MND1: variants seen among roughly 807,000 people sequenced by gnomAD.
MND1 encodes the protein meiotic nuclear division protein 1 homolog.
In MND1, 28 loss-of-function variants were observed where a neutral mutation model predicts 35.1. The ratio of observed to expected loss-of-function variants is 0.80; its 90% CI spans 0.59 to 1.09. MND1 has a LOEUF of 1.09. MND1 is among the 50% of genes least tolerant of loss of function. The probability of loss-of-function intolerance (pLI) is 0.00; values close to 1 mark genes in which losing one functional copy is unlikely to be tolerated. For synonymous variants in MND1, 69 were observed against 70.5 expected (o/e 0.98, Z 0.11); for missense variants, 213 against 239.6 (o/e 0.89, Z 0.73).
intron 4 of MND1, among the ~76,000 whole-genome samples, chr4:153,377,392 T>C (rs1728540032): frequency 6.6e-6 from 1 of 152,124 alleles, no homozygotes; most frequent in Non-Finnish European, 1.5e-5. Flanking sequence ...TGTAGATAAC[T>C]TGAAATGTTT....
intron 4 of MND1, chr4:153,363,156 C>G (rs1270932389): frequency 4.3e-6 from 1 of 233,538 alleles, no homozygotes; most frequent in Non-Finnish European, 7.0e-6. Flanking sequence ...CTCCTAGCCC[C>G]TAGTTACTTT....
chr4:153,369,004 G>A (rs1474419632), intron 4 of MND1, among the ~76,000 whole-genome samples: 1 of 152,232 alleles, frequency 6.6e-6, no homozygotes, highest in East Asian at 1.9e-4. Flanking sequence ...AAGGCCTTAT[G>A]TGAGGTATAG....
rs375914595 is a variant in MND1 at position 153,414,849 on chromosome 4, A to G, written c.610A>G (p.Ile204Val). ...TGGAATTCCAGAAGACTTTGACTACATAGACTAAAATATTCCATGGTGGTG... is the reference window on the plus strand; with the variant it reads ...TGGAATTCCAGAAGACTTTGACTACGTAGACTAAAATATTCCATGGTGGTG... ...TFGIPEDFDY[I>V]D The change falls in exon 8 of 8, where the codon ATA (isoleucine) becomes GTA (valine). Residue 204 changes from isoleucine to valine, a missense_variant. Physicochemically the swap from Ile to Val is conservative, Grantham distance 29. Transcript: ENST00000240488. The G allele has an allele frequency of 4.4e-6, 6 of 1,365,302 alleles. No homozygotes were observed. The highest frequency in any genetic ancestry group is 2.1e-5 in the Admixed American group (1 of 47,150). The allele number at this position is 1,365,302 out of a possible 1,614,324, so 84.6% of individuals were successfully genotyped here. A position where few individuals can be genotyped will look rare whatever the true frequency, so the allele number is the denominator to read the frequency against.
intron 4 of MND1, among the ~76,000 whole-genome samples, chr4:153,372,394 A>G (rs28862341): frequency 1.3e-4 from 20 of 152,288 alleles, no homozygotes; most frequent in Non-Finnish European, 2.8e-4. Context: ...TTTAAAAAAA[A>G]CTTTTTATGT....
chr4:153,364,400 C>T (rs1383553633), intron 4 of MND1, among the ~76,000 whole-genome samples: 1 of 151,890 alleles, frequency 6.6e-6, no homozygotes, highest in Non-Finnish European at 1.5e-5. Context: ...TCCTGTGGTC[C>T]CGGCTATTCG....
At chr4:153,400,582 C>T (rs1229750710) in intron 6 of MND1, among the ~76,000 whole-genome samples, 1 of 152,084 alleles carries the variant, frequency 6.6e-6, no homozygotes, top group African/African-American at 2.4e-5. Context: ...TTTTCTTCCT[C>T]CAGTTTTATT....
At chr4:153,395,061 A>G (rs1729160910) in intron 5 of MND1, among the ~76,000 whole-genome samples, 1 of 152,212 alleles carries the variant, frequency 6.6e-6, no homozygotes. Flanking sequence ...ACATAGTAGA[A>G]AGGGATATAG....
chr4:153,354,624 TCC>T (rs1773296210), intron 2 of MND1, among the ~76,000 whole-genome samples: 1 of 152,110 alleles, frequency 6.6e-6, no homozygotes, highest in South Asian at 2.1e-4. Context: ...CATCTCAGCC[TCC>T]CATGTATCTA....
chr4:153,384,036 CTT>C (rs758060949), intron 4 of MND1, among the ~76,000 whole-genome samples: 22 of 152,232 alleles, frequency 1.4e-4, no homozygotes, highest in Admixed American at 2.6e-4. Context: ...TTTTGCATGT[CTT>C]TGACTCTCAA....
At chr4:153,354,415 A>G (rs1418014947) in intron 2 of MND1, among the ~76,000 whole-genome samples, 2 of 152,244 alleles carry the variant, frequency 1.3e-5, no homozygotes, top group African/African-American at 4.8e-5. Context: ...TGTTTTCTTA[A>G]AGTGTCAGAA....
At chr4:153,408,450 A>G (rs1006542804) in intron 6 of MND1, among the ~76,000 whole-genome samples, 1 of 152,000 alleles carries the variant, frequency 6.6e-6, no homozygotes, top group Non-Finnish European at 1.5e-5. Flanking sequence ...ATATACATAC[A>G]GATACATTTG....
intron 4 of MND1, chr4:153,381,679 T>TATAATATATATAATATA (rs1561068481): frequency 4.8e-5 from 1 of 20,742 alleles, no homozygotes; most frequent in Non-Finnish European, 1.0e-4. Flanking sequence ...TATATATATA[T>TATAATATATATAATATA]ATATATATAT....
chr4:153,384,676 C>T lies in MND1; in HGVS notation c.277-9586C>T, dbSNP rs1415229287. On this transcript the variant is annotated intron_variant, in intron 4 of 7. Transcript: ENST00000240488. ...TAGGCTCTGACTCTGCCTGACAGTTCGTTTTTTCACATTGTAATTGATTGT... is the reference window on the plus strand; with the variant it reads ...TAGGCTCTGACTCTGCCTGACAGTTTGTTTTTTCACATTGTAATTGATTGT... 6.6e-5 allele frequency among the ~76,000 whole-genome samples: 10 copies of T among 151,810 alleles called. No individual in the cohort carries two copies. In the East Asian group the frequency reaches 9.6e-4, roughly 15 times the overall value.
intron 1 of MND1, chr4:153,345,361 C>T: frequency 1.0e-6 from 1 of 985,512 alleles, no homozygotes; most frequent in South Asian, 4.7e-5. Flanking sequence ...TAGTCGATTT[C>T]TGTGAAAACG....
chr4:153,362,324 C>A (rs192654882), intron 4 of MND1, among the ~76,000 whole-genome samples: 1 of 152,096 alleles, frequency 6.6e-6, no homozygotes, highest in East Asian at 1.9e-4. Context: ...ATCTTGGGGG[C>A]GGTTTCTCAT....
chr4:153,406,865 G>A (rs1274153080), intron 6 of MND1, among the ~76,000 whole-genome samples: 1 of 152,178 alleles, frequency 6.6e-6, no homozygotes, highest in African/African-American at 2.4e-5. Flanking sequence ...TTGGACTTAC[G>A]GTGCCACGTA....
chr4:153,386,735 AAG>A (rs1476993857), intron 4 of MND1, among the ~76,000 whole-genome samples: 3 of 152,202 alleles, frequency 2.0e-5, no homozygotes, highest in Non-Finnish European at 4.4e-5. Context: ...AACAACAAAA[AAG>A]AAATCAAAGT....
Position 153,344,716 on chromosome 4 carries a change from C to T in MND1, c.-22C>T, listed in dbSNP as rs766422911. ...TCTCCCCAAGCGCGGGCCCGGCCAGCGGAAGCCCCTGCGCCCGCGCCATGG... is the reference window on the plus strand; with the variant it reads ...TCTCCCCAAGCGCGGGCCCGGCCAGTGGAAGCCCCTGCGCCCGCGCCATGG... On this transcript the variant is annotated 5_prime_UTR_variant, in exon 1 of 8. Coordinates refer to ENST00000240488, the MANE Select transcript of MND1 (RefSeq NM_032117.4). 6.9e-6 allele frequency: 11 copies of T among 1,587,946 alleles called. No homozygotes were observed. The East Asian group carries it at 7.1e-5, about 10-fold the overall frequency.
chr4:153,358,094 G>T (rs893763238), intron 3 of MND1, among the ~76,000 whole-genome samples: 1 of 152,038 alleles, frequency 6.6e-6, no homozygotes, highest in South Asian at 2.1e-4. Context: ...TGACATTACT[G>T]CTATGCACCA....
Sources: allele counts gnomAD v4.1 joint callset (sites outside exome capture counted in the v4.1 genomes callset), GRCh38; gene constraint gnomAD v4.1.1; transcripts MANE v1.5; gene names NCBI Gene and HGNC (gene_info 2026-07-23, HGNC 2026-07-21).